Variants in ST8SIA1 observed in about 807,000 individuals in gnomAD.
The protein encoded by ST8SIA1 is ST8 alpha-N-acetyl-neuraminide alpha-2,8-sialyltransferase 1.
Under a neutral mutation model 35.9 loss-of-function variants are expected in ST8SIA1, and 16 were observed. That is an observed-to-expected ratio of 0.45 (90% CI 0.30 to 0.68). The LOEUF is 0.68. ST8SIA1 is among the 30% of genes least tolerant of loss of function. The pLI is 0.09. For synonymous variants in ST8SIA1, 170 were observed against 169.6 expected (o/e 1.00, Z -0.02); for missense variants, 383 against 453.6 (o/e 0.84, Z 1.41).
At chr12:22,223,435 G>A in intron 4 of ST8SIA1, 1 of 851,850 alleles carries the variant, frequency 1.2e-6, no homozygotes, top group Non-Finnish European at 1.4e-6. Flanking sequence ...GTCCAAAGTG[G>A]AAAAGCTAAG....
intron 2 of ST8SIA1, among the ~76,000 whole-genome samples, chr12:22,283,177 G>A (rs1866057414): frequency 6.6e-6 from 1 of 152,152 alleles, no homozygotes; most frequent in African/African-American, 2.4e-5. Context: ...GATGTTTTGT[G>A]ATGCTTTACA....
At chr12:22,314,206 C>G (rs952212294) in intron 1 of ST8SIA1, among the ~76,000 whole-genome samples, 1 of 152,090 alleles carries the variant, frequency 6.6e-6, no homozygotes, top group African/African-American at 2.4e-5. Context: ...GCACTCTCCC[C>G]CTCCTTCCTC....
intron 1 of ST8SIA1, among the ~76,000 whole-genome samples, chr12:22,291,175 C>T (rs1449859764): frequency 1.3e-5 from 2 of 152,062 alleles, no homozygotes; most frequent in Non-Finnish European, 2.9e-5. Context: ...CTGTGCCTAC[C>T]GACTAGGAAG....
intron 4 of ST8SIA1, among the ~76,000 whole-genome samples, chr12:22,229,602 C>T (rs1865393740): frequency 1.8e-5 from 2 of 114,128 alleles, no homozygotes; most frequent in South Asian, 5.9e-4. Context: ...AGTAACAGAG[C>T]AAGACCGGGT....
At chr12:22,322,094 C>G (rs1866609560) in intron 1 of ST8SIA1, among the ~76,000 whole-genome samples, 1 of 152,234 alleles carries the variant, frequency 6.6e-6, no homozygotes, top group Admixed American at 6.5e-5. Context: ...GAGACCTCTG[C>G]CATCGCAATC....
At chr12:22,218,353 C>T (rs1865257277) in intron 4 of ST8SIA1, among the ~76,000 whole-genome samples, 2 of 149,076 alleles carry the variant, frequency 1.3e-5, no homozygotes, top group Admixed American at 1.3e-4. Context: ...CACAGTGGCT[C>T]ATGCCTGTAA....
intron 2 of ST8SIA1, among the ~76,000 whole-genome samples, chr12:22,270,919 CATAATTA>C (rs1277498437): frequency 6.6e-6 from 1 of 152,166 alleles, no homozygotes; most frequent in Non-Finnish European, 1.5e-5. Flanking sequence ...GTCACAGATT[CATAATTA>C]GTAAATGGAA....
At chr12:22,230,329 A>G (rs919282078) in intron 4 of ST8SIA1, among the ~76,000 whole-genome samples, 1 of 152,172 alleles carries the variant, frequency 6.6e-6, no homozygotes, top group East Asian at 1.9e-4. Flanking sequence ...GTCTTAGAGC[A>G]CAGCTATAGA....
chr12:22,334,488 T>G lies in ST8SIA1; in HGVS notation c.-256A>C. 1.3e-5 allele frequency: 7 copies of G among 523,374 alleles called. No individual in the cohort carries two copies. The highest frequency in any genetic ancestry group is 2.1e-5 in the Non-Finnish European group (6 of 291,552). 32.4% of individuals were successfully genotyped at this position (523,374 alleles called of 1,614,324 possible). On this transcript the variant is annotated 5_prime_UTR_variant, in exon 1 of 5. Coordinates refer to ENST00000396037, the MANE Select transcript of ST8SIA1 (RefSeq NM_003034.4). ...AGTCACGATCTATGGCCATGGTCGC[T>G]TCCCCTGCAGAAGGCGGGCGCTGGG... is the stretch of plus-strand genomic sequence containing the variant.
chr12:22,202,015 C>T lies in ST8SIA1; in HGVS notation c.608G>A (p.Arg203Lys). 1 of 1,608,818 alleles carries T rather than the reference C, an allele frequency of 6.2e-7. No homozygotes were observed. The highest frequency in any genetic ancestry group is 8.5e-7 in the Non-Finnish European group (1 of 1,178,446). ...TTTCATGTTGTCCACAAATGTCTTT[C>T]TGGACCACAGAAGGTTCTGAAACCT... ...RQRFQNLLWS[R>K]KTFVDNMKIY... Residue 203 changes from arginine (R) to lysine (K), a missense_variant, in exon 5 of 5, where the codon AGA (arginine) becomes AAA (lysine). Coordinates refer to ENST00000396037, the MANE Select transcript of ST8SIA1 (RefSeq NM_003034.4).
At chr12:22,328,556 A>G (rs1389552094) in intron 1 of ST8SIA1, among the ~76,000 whole-genome samples, 1 of 152,196 alleles carries the variant, frequency 6.6e-6, no homozygotes, top group East Asian at 1.9e-4. Flanking sequence ...CAAAAATTTT[A>G]TTCAGTTCAC....
chr12:22,295,907 T>C (rs1866237797), intron 1 of ST8SIA1, among the ~76,000 whole-genome samples: 1 of 152,224 alleles, frequency 6.6e-6, no homozygotes, highest in Non-Finnish European at 1.5e-5. Flanking sequence ...GTTTCTTTCT[T>C]CCTAGCATAT....
intron 1 of ST8SIA1, among the ~76,000 whole-genome samples, chr12:22,318,040 T>C (rs1339558631): frequency 1.3e-5 from 2 of 152,174 alleles, no homozygotes; most frequent in Non-Finnish European, 1.5e-5. Flanking sequence ...ATACTCTAAA[T>C]AGGAAAACAT....
intron 1 of ST8SIA1, among the ~76,000 whole-genome samples, chr12:22,295,287 ACT>A (rs1317581856): frequency 5.9e-5 from 9 of 152,090 alleles, no homozygotes; most frequent in South Asian, 2.1e-4. Context: ...TGGAGTCAAA[ACT>A]CTCTGTCTCC....
chr12:22,292,825 T>A (rs954679064), intron 1 of ST8SIA1, among the ~76,000 whole-genome samples: 2 of 152,160 alleles, frequency 1.3e-5, no homozygotes, highest in African/African-American at 4.8e-5. Context: ...AATTGAATCA[T>A]TTGTACCCCA....
At position 22,287,254 on chromosome 12, in the gene ST8SIA1, A is replaced by C. The variant is rs376749728; in HGVS notation, c.276T>G (p.Phe92Leu). 9 of 1,614,126 alleles carry C rather than the reference A, an allele frequency of 5.6e-6. No individual in the cohort carries two copies. The highest frequency in any genetic ancestry group is 7.6e-6 in the Non-Finnish European group (9 of 1,179,990). The change falls in exon 2 of 5, where the codon TTT (phenylalanine) becomes TTG (leucine). Residue 92 changes from phenylalanine to leucine, a missense_variant. Coordinates refer to ENST00000396037, the MANE Select transcript of ST8SIA1 (RefSeq NM_003034.4). ...TAGGGGAATTCATTTTAGTCATAGC[A>C]AAGAGATGGGCAGGGTCGCAGCAGT... is the stretch of plus-strand genomic sequence containing the variant. ...MEDCCDPAHL[F>L]AMTKMNSPMG...
At chr12:22,232,857 T>A (rs979565122) in intron 4 of ST8SIA1, among the ~76,000 whole-genome samples, 2 of 151,288 alleles carry the variant, frequency 1.3e-5, no homozygotes, top group African/African-American at 2.4e-5. Context: ...TAAAAATAAA[T>A]AAAAAATAAA....
At chr12:22,294,271 C>A (rs1309424608) in intron 1 of ST8SIA1, among the ~76,000 whole-genome samples, 1 of 150,598 alleles carries the variant, frequency 6.6e-6, no homozygotes, top group African/African-American at 2.4e-5. Context: ...GATAATACTG[C>A]CTCTGGGGCA....
intron 3 of ST8SIA1, among the ~76,000 whole-genome samples, chr12:22,251,315 C>T (rs1865667184): frequency 6.6e-6 from 1 of 152,098 alleles, no homozygotes; most frequent in Non-Finnish European, 1.5e-5. Flanking sequence ...CCTGTGTGTT[C>T]CATGGCTCAT....
Sources: gnomAD v4.1 joint callset for allele counts (sites outside exome capture counted in the v4.1 genomes callset) on GRCh38, gnomAD v4.1.1 for gene constraint, MANE v1.5 for transcripts, NCBI Gene and HGNC (gene_info 2026-07-23, HGNC 2026-07-21) for gene names.